The following SUSD6 variants were observed in gnomAD, a reference collection of about 807,000 sequenced individuals.
The protein encoded by SUSD6 is sushi domain-containing protein 6.
A neutral mutation model predicts 28.4 loss-of-function variants in SUSD6; 16 were observed. The observed-to-expected ratio is 0.56, with a 90% CI of 0.38 to 0.86. The LOEUF is 0.86. Among genes scored for constraint, SUSD6 ranks in the 40% least tolerant of loss-of-function variants. The probability of loss-of-function intolerance (pLI) is 0.00; values close to 1 mark genes in which losing one functional copy is unlikely to be tolerated. For missense variants in SUSD6, 341 were observed against 384.2 expected (o/e 0.89, Z 0.94); for synonymous variants, 147 against 159.6 (o/e 0.92, Z 0.59).
chr14:69,709,227 G>T, intron 5 of SUSD6, 123 bp downstream of exon 5: 3 of 897,266 alleles, frequency 3.3e-6, no homozygotes, highest in Non-Finnish European at 5.0e-6. Context: ...AGTACCTGGG[G>T]TATTTGCCTA....
intron 1 of SUSD6, among the ~76,000 whole-genome samples, chr14:69,650,682 C>G (rs547723769): frequency 6.6e-6 from 1 of 152,138 alleles, no homozygotes; most frequent in South Asian, 2.1e-4. Context: ...TTCTCTCTTG[C>G]CTTCTCTCTT....
rs566290080 is a variant in SUSD6 at position 69,654,759 on chromosome 14, A to G, written c.-80-3754A>G. 2.0e-4 allele frequency among the ~76,000 whole-genome samples: 29 copies of G among 145,678 alleles called. No individual in the cohort carries two copies. The South Asian group carries it at 5.4e-3, about 27-fold the overall frequency. Reference sequence around the variant, plus strand: ...GTTCCCCTCCCTGAAGGCGACCATTAGTTACCAATTTCTTTTTTTTTTTTT... The same window carrying G: ...GTTCCCCTCCCTGAAGGCGACCATTGGTTACCAATTTCTTTTTTTTTTTTT... On this transcript the variant is annotated intron_variant, in intron 1 of 5. Coordinates refer to ENST00000342745, the MANE Select transcript of SUSD6 (RefSeq NM_014734.4).
chr14:69,688,792 A>G (rs1204420312), intron 2 of SUSD6, among the ~76,000 whole-genome samples: 7 of 152,152 alleles, frequency 4.6e-5, no homozygotes, highest in Admixed American at 6.5e-5. Context: ...CTTCAGTGGG[A>G]TTGGTACTAT....
intron 2 of SUSD6, among the ~76,000 whole-genome samples, chr14:69,671,871 T>C (rs995207534): frequency 6.6e-6 from 1 of 152,228 alleles, no homozygotes; most frequent in Non-Finnish European, 1.5e-5. Flanking sequence ...GAGGCTTTGC[T>C]GTTCAACTGG....
chr14:69,645,541 T>C (rs573785173), intron 1 of SUSD6, among the ~76,000 whole-genome samples: 1 of 152,278 alleles, frequency 6.6e-6, no homozygotes, highest in East Asian at 1.9e-4. Flanking sequence ...AGTGTGGAAG[T>C]GTTAGTTCAG....
rs757438531 is a variant in SUSD6, at chr14:69,646,685, CT to C, written c.-80-11818del. 6.4e-4 allele frequency among the ~76,000 whole-genome samples: 84 copies of C among 131,544 alleles called. No individual in the cohort carries two copies. The Middle Eastern group carries it at 0.012, about 19-fold the overall frequency. 86.3% of individuals were successfully genotyped at this position (131,544 alleles called of 152,430 possible). A position where few individuals can be genotyped will look rare whatever the true frequency, so the allele number is the denominator to read the frequency against. On this transcript the variant is annotated intron_variant, in intron 1 of 5. Transcript: ENST00000342745. The stretch of plus-strand genomic sequence containing the variant: ...CAGTTACTTAGGCCAAAAACTTAGG[CT>C]TTTTTTTTTCCATCTTTTTTTTTTT...
At chr14:69,640,305 TTA>T (rs1014619413) in intron 1 of SUSD6, among the ~76,000 whole-genome samples, 1 of 151,454 alleles carries the variant, frequency 6.6e-6, no homozygotes. Flanking sequence ...TGAAAAAAAT[TTA>T]TATATATATA....
chr14:69,653,265 G>A (rs1885529491), intron 1 of SUSD6, among the ~76,000 whole-genome samples: 1 of 152,312 alleles, frequency 6.6e-6, no homozygotes, highest in South Asian at 2.1e-4. Flanking sequence ...GAGGCCTCCT[G>A]CTACCACCAG....
At chr14:69,672,714 G>C (rs79101880) in intron 2 of SUSD6, among the ~76,000 whole-genome samples, 1 of 152,192 alleles carries the variant, frequency 6.6e-6, no homozygotes, top group Non-Finnish European at 1.5e-5. Context: ...GAGCACCCCC[G>C]AGTGTCCTGC....
chr14:69,686,776 C>A (rs1886080042), intron 2 of SUSD6, among the ~76,000 whole-genome samples: 1 of 152,194 alleles, frequency 6.6e-6, no homozygotes, highest in Non-Finnish European at 1.5e-5. Flanking sequence ...TGATTCCAGT[C>A]ATCTCCCACC....
At chr14:69,616,438 A>AAG (rs1884960763) in intron 1 of SUSD6, among the ~76,000 whole-genome samples, 2 of 152,216 alleles carry the variant, frequency 1.3e-5, no homozygotes, top group African/African-American at 4.8e-5. Flanking sequence ...GCTTCTGACA[A>AAG]AGACAGTAAA....
intron 2 of SUSD6, among the ~76,000 whole-genome samples, chr14:69,669,191 G>A (rs1370115401): frequency 6.6e-6 from 1 of 150,700 alleles, no homozygotes; most frequent in East Asian, 2.0e-4. Flanking sequence ...AGCCTCCCAA[G>A]TAGCTGGGAT....
rs561208883 is a variant in SUSD6 at position 69,647,480 on chromosome 14, G to C, written c.-80-11033G>C. Among the ~76,000 whole-genome samples, 10 of 152,272 alleles carry C rather than the reference G, an allele frequency of 6.6e-5. No individual in the cohort carries two copies. The South Asian group carries it at 1.0e-3, about 16-fold the overall frequency. Reference sequence around the variant, plus strand: ...TTGGTGAACTTGCCACAATGCTACGGATTTAATGCAAGAAATAGGCAAAGC... The same window carrying C: ...TTGGTGAACTTGCCACAATGCTACGCATTTAATGCAAGAAATAGGCAAAGC... On this transcript the variant is annotated intron_variant, in intron 1 of 5. Coordinates refer to ENST00000342745, the MANE Select transcript of SUSD6 (RefSeq NM_014734.4).
In SUSD6 at chr14:69,658,712, C is replaced by T. The variant is rs761201672; in HGVS notation, c.120C>T (p.Ser40=). Residue 40 remains serine, a splice_region_variant and synonymous_variant, in exon 2 of 6, where the codon TCC becomes TCT. Transcript: ENST00000342745. Reference sequence around the variant, plus strand: ...CCCTGCTTGGAGACGGACTTGCTTCCGGTAAGTCCTGACCTGCCTTCTGTG... The same window carrying T: ...CCCTGCTTGGAGACGGACTTGCTTCTGGTAAGTCCTGACCTGCCTTCTGTG... The part of the protein sequence containing the change: ...LCTLLGDGLA[S]VCPLPPEPEN... 44 of 1,613,814 alleles carry T rather than the reference C, an allele frequency of 2.7e-5. No homozygotes were observed. Among genetic ancestry groups the T allele is most frequent in the African/African-American group, 4.0e-5 (3 of 74,884 alleles).
At chr14:69,677,010 T>C (rs1275062559) in intron 2 of SUSD6, among the ~76,000 whole-genome samples, 1 of 152,148 alleles carries the variant, frequency 6.6e-6, no homozygotes, top group Non-Finnish European at 1.5e-5. Flanking sequence ...CAGAAAGCAT[T>C]AGGAACCAGG....
At chr14:69,697,876 T>C (rs986313446) in intron 2 of SUSD6, among the ~76,000 whole-genome samples, 3 of 152,258 alleles carry the variant, frequency 2.0e-5, no homozygotes, top group Non-Finnish European at 4.4e-5. Context: ...GAGTTGGCTG[T>C]GACCATGTCT....
chr14:69,673,548 G>A (rs1447609073), intron 2 of SUSD6, among the ~76,000 whole-genome samples: 2 of 152,114 alleles, frequency 1.3e-5, no homozygotes, highest in Non-Finnish European at 2.9e-5. Context: ...ACTGCAGGTG[G>A]GCCAACCTAA....
At chr14:69,656,186 T>TTCCC (rs1173965891) in intron 1 of SUSD6, among the ~76,000 whole-genome samples, 3 of 149,654 alleles carry the variant, frequency 2.0e-5, no homozygotes, top group East Asian at 2.0e-4. Flanking sequence ...TCCTCCATTC[T>TTCCC]TCCCTCCCTC....
intron 2 of SUSD6, 73 bp from the exon 3 acceptor site, chr14:69,703,322 A>T (rs1012628597): frequency 5.8e-6 from 7 of 1,205,512 alleles, no homozygotes; most frequent in Non-Finnish European, 8.4e-6. Context: ...AGGCCTTCAG[A>T]GCTGCGTCAC....
Sources: gnomAD v4.1 joint callset for allele counts (sites outside exome capture counted in the v4.1 genomes callset) on GRCh38, gnomAD v4.1.1 for gene constraint, MANE v1.5 for transcripts, NCBI Gene and HGNC (gene_info 2026-07-23, HGNC 2026-07-21) for gene names.